TRAPPC9: variants seen among roughly 807,000 people sequenced by gnomAD.
The protein encoded by TRAPPC9 is IKK2 binding protein.
In TRAPPC9, 83 loss-of-function variants were observed where a neutral mutation model predicts 124.0. That is an observed-to-expected ratio of 0.67 (90% CI 0.56 to 0.80). The LOEUF is 0.80. Ranked by LOEUF, TRAPPC9 falls within the 30% of genes least tolerant of loss-of-function variation. The probability of loss-of-function intolerance (pLI) is 0.00; values close to 1 mark genes in which losing one functional copy is unlikely to be tolerated. For missense variants in TRAPPC9, 1,302 were observed against 1,508.3 expected, an observed-to-expected ratio of 0.86 and a Z score of 2.27; for synonymous variants, 638 against 617.5, an observed-to-expected ratio of 1.03 and a Z score of -0.49.
chr8:139,801,029 C>T (rs536870517), intron 21 of TRAPPC9, among the ~76,000 whole-genome samples: 7 of 148,410 alleles, frequency 4.7e-5, no homozygotes, highest in Admixed American at 1.3e-4. Flanking sequence ...TCCCTCCCTC[C>T]GGTACCTTCC....
chr8:140,442,737 G>C (rs1386559384), intron 2 of TRAPPC9, among the ~76,000 whole-genome samples: 2 of 151,810 alleles, frequency 1.3e-5, no homozygotes, highest in Non-Finnish European at 2.9e-5. Flanking sequence ...CAAATCCAAA[G>C]AAAAGCTAAA....
chr8:139,774,645 T>C (rs1413416420), intron 21 of TRAPPC9, among the ~76,000 whole-genome samples: 1 of 152,198 alleles, frequency 6.6e-6, no homozygotes, highest in Non-Finnish European at 1.5e-5. Flanking sequence ...AAGCAGCACA[T>C]GGCCAGGAGC....
intron 1 of TRAPPC9, among the ~76,000 whole-genome samples, chr8:140,457,147 G>A (rs2071701145): frequency 6.6e-6 from 1 of 152,222 alleles, no homozygotes; most frequent in African/African-American, 2.4e-5. Flanking sequence ...GAAAGCGCCG[G>A]GGGCGTGGGC....
In TRAPPC9 at chr8:139,907,130, C is replaced by A. The variant is rs1208430031; in HGVS notation, c.2964+3017G>T. Among the ~76,000 whole-genome samples, 1 of 152,168 alleles carries A rather than the reference C, an allele frequency of 6.6e-6. No individual in the cohort carries two copies. Among genetic ancestry groups the A allele is most frequent in the Non-Finnish European group, 1.5e-5 (1 of 68,038 alleles). On this transcript the variant is annotated intron_variant, in intron 20 of 22. Coordinates refer to ENST00000438773, the MANE Select transcript of TRAPPC9 (RefSeq NM_001160372.4). The surrounding 1 kb of genome is among the most constrained non-coding windows in gnomAD (Gnocchi z 4.7). ...CCAGGGCTCACCTCCTAAGAACAAG[C>A]AAATCTGTACCATATTTGTCATTAA...
At chr8:140,371,213 A>G in intron 7 of TRAPPC9, 33 bp from the exon 8 acceptor site, 1 of 1,559,100 alleles carries the variant, frequency 6.4e-7, no homozygotes, top group Non-Finnish European at 8.7e-7. Flanking sequence ...AAAGCTTTTG[A>G]AAGAAACGTA....
chr8:140,398,514 T>C (rs912260448), intron 6 of TRAPPC9, among the ~76,000 whole-genome samples: 1 of 152,214 alleles, frequency 6.6e-6, no homozygotes, highest in Admixed American at 6.5e-5. Context: ...TCAGTTCTTG[T>C]TGGGAACTGG....
intron 17 of TRAPPC9, among the ~76,000 whole-genome samples, chr8:140,150,457 C>A (rs1210256618): frequency 6.6e-6 from 1 of 152,136 alleles, no homozygotes; most frequent in Admixed American, 6.5e-5. Context: ...CTCAAAAAAA[C>A]AAAATTATCT....
chr8:140,048,601 C>T (rs777160480), intron 17 of TRAPPC9, among the ~76,000 whole-genome samples: 4 of 152,066 alleles, frequency 2.6e-5, no homozygotes, highest in African/African-American at 4.8e-5. Context: ...AGCTTGGGTG[C>T]GGAGGGACAG....
Position 139,782,445 on chromosome 8 carries a change from T to C in TRAPPC9, c.3056-50243A>G, listed in dbSNP as rs910013122. 2.0e-5 allele frequency among the ~76,000 whole-genome samples: 3 copies of C among 152,362 alleles called. No individual in the cohort carries two copies. The East Asian group carries it at 5.8e-4, about 29-fold the overall frequency. ...GAAGGTTATATTGGCTATATTAACA[T>C]CATAGCAATTGATATTATAAAGTTA... On this transcript the variant is annotated intron_variant, in intron 21 of 22. Transcript: ENST00000438773.
intron 17 of TRAPPC9, among the ~76,000 whole-genome samples, chr8:140,037,306 C>T (rs1431083349): frequency 1.3e-5 from 2 of 151,802 alleles, no homozygotes; most frequent in African/African-American, 4.8e-5. Context: ...GAGAACAGTG[C>T]CTGGCGTTTG....
chr8:139,997,610 A>AG (rs1838103043), intron 18 of TRAPPC9, among the ~76,000 whole-genome samples: 2 of 140,370 alleles, frequency 1.4e-5, no homozygotes, highest in African/African-American at 5.3e-5. Context: ...CATCCTACAC[A>AG]GGGAGACAAT....
intron 17 of TRAPPC9, among the ~76,000 whole-genome samples, chr8:140,193,273 C>G (rs1433913549): frequency 1.3e-5 from 2 of 152,136 alleles, no homozygotes; most frequent in Non-Finnish European, 2.9e-5. Context: ...TTGGCTATTT[C>G]CCCCACGGGA....
At chr8:140,391,058 T>C (rs1373416207) in intron 7 of TRAPPC9, among the ~76,000 whole-genome samples, 1 of 152,228 alleles carries the variant, frequency 6.6e-6, no homozygotes, top group African/African-American at 2.4e-5. Context: ...TAGCAGGCTT[T>C]TCCTGGGTTT....
At chr8:140,437,809 C>T (rs1434708066) in intron 3 of TRAPPC9, among the ~76,000 whole-genome samples, 2 of 152,040 alleles carry the variant, frequency 1.3e-5, no homozygotes, top group Non-Finnish European at 2.9e-5. Context: ...ATGGACTCAG[C>T]CAGTCCATCC....
At position 140,348,106 on chromosome 8, in the gene TRAPPC9, T is replaced by C. The variant is rs1232555169; in HGVS notation, c.1495+11944A>G. 3.9e-5 allele frequency among the ~76,000 whole-genome samples: 6 copies of C among 152,214 alleles called. No individual in the cohort carries two copies. The South Asian group carries it at 8.3e-4, about 21-fold the overall frequency. ...TCAGTCAAAGGTGCCATGGCAAGTGTTTCCCCCTTTCCGAGGCGCTGGGAC... is the reference window on the plus strand; with the variant it reads ...TCAGTCAAAGGTGCCATGGCAAGTGCTTCCCCCTTTCCGAGGCGCTGGGAC... On this transcript the variant is annotated intron_variant, in intron 9 of 22. Transcript: ENST00000438773.
At chr8:140,125,198 G>A (rs922052889) in intron 17 of TRAPPC9, among the ~76,000 whole-genome samples, 17 of 152,178 alleles carry the variant, frequency 1.1e-4, no homozygotes, top group Non-Finnish European at 2.2e-4. Flanking sequence ...GCTCGGGGGC[G>A]GGACACGGCC....
intron 9 of TRAPPC9, among the ~76,000 whole-genome samples, chr8:140,350,588 G>T (rs937866098): frequency 1.3e-5 from 2 of 152,068 alleles, no homozygotes; most frequent in African/African-American, 4.8e-5. Context: ...ACTGGGAAAC[G>T]CAAAGCGGCG....
chr8:140,427,744 A>T (rs2070482180), intron 4 of TRAPPC9, among the ~76,000 whole-genome samples: 1 of 152,226 alleles, frequency 6.6e-6, no homozygotes. Flanking sequence ...TCAATTGTCT[A>T]CACAGAGAAG....
At chr8:139,775,221 C>G (rs1299213122) in intron 21 of TRAPPC9, among the ~76,000 whole-genome samples, 1 of 152,192 alleles carries the variant, frequency 6.6e-6, no homozygotes, top group East Asian at 1.9e-4. Context: ...GACCTCAGCC[C>G]CTTCCCGCCT....
Sources: gnomAD v4.1 joint callset for allele counts (sites outside exome capture counted in the v4.1 genomes callset) on GRCh38, gnomAD v4.1.1 for gene constraint, Gnocchi (gnomAD v3.1) non-coding constraint, MANE v1.5 for transcripts, NCBI Gene and HGNC (gene_info 2026-07-23, HGNC 2026-07-21) for gene names.